Variants in PCSK5 observed in about 807,000 individuals in gnomAD.
PCSK5 encodes the protein proprotein convertase subtilisin/kexin type 5.
In PCSK5, 129 loss-of-function variants were observed where a neutral mutation model predicts 233.2. The observed-to-expected ratio is 0.55, with a 90% CI of 0.48 to 0.64. PCSK5 has a LOEUF of 0.64. Among genes scored for constraint, PCSK5 ranks in the 30% least tolerant of loss-of-function variants. The pLI, the probability that PCSK5 is intolerant of heterozygous loss-of-function variation, is 0.00. For synonymous variants in PCSK5, 825 were observed against 879.2 expected, an observed-to-expected ratio of 0.94 and a Z score of 1.09; for missense variants, 2,076 against 2,430.1, an observed-to-expected ratio of 0.85 and a Z score of 3.06.
intron 12 of PCSK5, among the ~76,000 whole-genome samples, chr9:76,161,276 C>A (rs1822839997): frequency 6.6e-6 from 1 of 152,092 alleles, no homozygotes; most frequent in Admixed American, 6.5e-5. Context: ...TCCTCATGTC[C>A]TCCTCCCACT....
At chr9:76,107,862 A>G (rs1412112247) in intron 9 of PCSK5, among the ~76,000 whole-genome samples, 1 of 152,210 alleles carries the variant, frequency 6.6e-6, no homozygotes, top group African/African-American at 2.4e-5. Flanking sequence ...ATTACTGTGA[A>G]AGACCCCTTT....
chr9:76,352,411 A>G (rs4607683), intron 36 of PCSK5, among the ~76,000 whole-genome samples: 121,276 of 152,142 alleles, frequency 0.8, 49,651 homozygotes, highest in East Asian at 0.89. Flanking sequence ...ATCTCATCCT[A>G]TAACTTAGAA....
intron 7 of PCSK5, 103 bp from the exon 8 acceptor site, chr9:76,095,787 C>A: frequency 1.0e-6 from 1 of 972,834 alleles, no homozygotes; most frequent in Non-Finnish European, 1.6e-6. Context: ...ATTAAGATAG[C>A]AACACACCCC....
chr9:76,183,836 A>G (rs145366982), intron 16 of PCSK5, among the ~76,000 whole-genome samples: 3 of 152,218 alleles, frequency 2.0e-5, no homozygotes, highest in African/African-American at 7.2e-5. Context: ...ACAAATTCAC[A>G]TGGATATAAT....
At chr9:76,246,364 A>C (rs1826597628) in intron 24 of PCSK5, among the ~76,000 whole-genome samples, 1 of 150,624 alleles carries the variant, frequency 6.6e-6, no homozygotes, top group African/African-American at 2.5e-5. Flanking sequence ...AAAAAAAAAA[A>C]AAACTACCGT....
At chr9:76,242,930 C>T (rs1350439130) in intron 24 of PCSK5, among the ~76,000 whole-genome samples, 1 of 152,186 alleles carries the variant, frequency 6.6e-6, no homozygotes, top group Non-Finnish European at 1.5e-5. Flanking sequence ...AGCTTCAAGA[C>T]ACCTTGACAG....
At chr9:76,097,702 A>G (rs975927526) in intron 8 of PCSK5, among the ~76,000 whole-genome samples, 1 of 152,248 alleles carries the variant, frequency 6.6e-6, no homozygotes, top group African/African-American at 2.4e-5. Context: ...ACTTAGTAGC[A>G]CATAGTTCAT....
intron 10 of PCSK5, among the ~76,000 whole-genome samples, chr9:76,144,813 G>A (rs963750475): frequency 6.6e-6 from 1 of 152,314 alleles, no homozygotes; most frequent in Middle Eastern, 3.4e-3. Context: ...ATAACTCAGT[G>A]TTACTAGAGT....
intron 7 of PCSK5, among the ~76,000 whole-genome samples, chr9:76,080,862 G>A (rs1383464766): frequency 6.6e-6 from 1 of 151,908 alleles, no homozygotes; most frequent in Admixed American, 6.6e-5. Context: ...ATTTAAAATG[G>A]GCAAAGGTAA....
chr9:76,214,294 TCACA>T lies in PCSK5; in HGVS notation c.2627-13199_2627-13196del, dbSNP rs34030142. Among the ~76,000 whole-genome samples, 50 of 150,764 alleles carry T rather than the reference TCACA, an allele frequency of 3.3e-4. 1 individual carries two copies. Among genetic ancestry groups the T allele is most frequent in the African/African-American group, 1.2e-3 (48 of 41,114 alleles). On this transcript the variant is annotated intron_variant, in intron 20 of 37. Coordinates refer to ENST00000674117, the MANE Select transcript of PCSK5 (RefSeq NM_001372043.1). The stretch of plus-strand genomic sequence containing the variant: ...TGTTTGACTTTTTCCCCACATTCAC[TCACA>T]CACACACACGTGCACACACACACAC...
At chr9:76,160,345 C>T (rs763425281) in intron 12 of PCSK5, among the ~76,000 whole-genome samples, 3 of 152,036 alleles carry the variant, frequency 2.0e-5, no homozygotes, top group Non-Finnish European at 2.9e-5. Context: ...CAAGTGGGAC[C>T]GGAGAGGGGA....
At chr9:76,277,086 T>A (rs780872331) in intron 24 of PCSK5, among the ~76,000 whole-genome samples, 1 of 151,910 alleles carries the variant, frequency 6.6e-6, no homozygotes, top group African/African-American at 2.4e-5. Context: ...AAAAAATTAG[T>A]GGGTGTGGTG....
intron 10 of PCSK5, among the ~76,000 whole-genome samples, chr9:76,151,361 G>A (rs1210164717): frequency 6.6e-6 from 1 of 152,288 alleles, no homozygotes; most frequent in East Asian, 1.9e-4. Flanking sequence ...CTTATAGGTA[G>A]ATGAGAATAG....
chr9:76,026,341 G>T (rs1053207818), intron 4 of PCSK5, among the ~76,000 whole-genome samples: 2 of 152,090 alleles, frequency 1.3e-5, no homozygotes. Context: ...AAAGCCAATG[G>T]TTATTAGTAG....
rs573278305 is a variant in PCSK5 at position 76,123,859 on chromosome 9, T to C, written c.1209-10250T>C. 2.0e-5 allele frequency among the ~76,000 whole-genome samples: 3 copies of C among 152,358 alleles called. No individual in the cohort carries two copies. In the South Asian group the frequency reaches 6.2e-4, roughly 32 times the overall value. ...GTAAAATTCTCAGGTTTATTTCTTTTAAATCAGTTCAACTGTTTTATTATC... is the reference window on the plus strand; with the variant it reads ...GTAAAATTCTCAGGTTTATTTCTTTCAAATCAGTTCAACTGTTTTATTATC... On this transcript the variant is annotated intron_variant, in intron 9 of 37. Coordinates refer to ENST00000674117, the MANE Select transcript of PCSK5 (RefSeq NM_001372043.1).
intron 24 of PCSK5, among the ~76,000 whole-genome samples, chr9:76,244,014 A>G (rs1301984102): frequency 6.6e-6 from 1 of 152,230 alleles, no homozygotes; most frequent in Non-Finnish European, 1.5e-5. Context: ...ACTTGAGCCC[A>G]GGAGTTTGAG....
At chr9:76,276,736 C>A (rs1157301928) in intron 24 of PCSK5, among the ~76,000 whole-genome samples, 2 of 152,156 alleles carry the variant, frequency 1.3e-5, no homozygotes, top group Non-Finnish European at 2.9e-5. Context: ...ACTCTCTAAC[C>A]CTTTATCTGA....
chr9:76,057,573 A>G (rs1318218828), intron 5 of PCSK5, among the ~76,000 whole-genome samples: 1 of 152,200 alleles, frequency 6.6e-6, no homozygotes, highest in Admixed American at 6.5e-5. Flanking sequence ...CTCTCCCAAA[A>G]ATGGTTCATA....
intron 24 of PCSK5, among the ~76,000 whole-genome samples, chr9:76,278,468 G>C (rs566139524): frequency 6.6e-6 from 1 of 152,072 alleles, no homozygotes; most frequent in South Asian, 2.1e-4. Flanking sequence ...GGAGATCTGT[G>C]GGAGGATGCT....
Sources: gnomAD v4.1 joint callset for allele counts (sites outside exome capture counted in the v4.1 genomes callset) on GRCh38, gnomAD v4.1.1 for gene constraint, MANE v1.5 for transcripts, NCBI Gene and HGNC (gene_info 2026-07-23, HGNC 2026-07-21) for gene names.